Variants in HFM1 observed in about 807,000 individuals in gnomAD.
HFM1 encodes probable ATP-dependent DNA helicase HFM1.
A neutral mutation model predicts 192.1 loss-of-function variants in HFM1; 169 were observed. That is an observed-to-expected ratio of 0.88 (90% confidence interval 0.78 to 1.00). The LOEUF (loss-of-function observed/expected upper bound fraction) is 1.00, where lower values mean the gene tolerates loss of function less well. Among genes scored for constraint, HFM1 ranks in the 50% least tolerant of loss-of-function variants. HFM1 has a pLI of 0.00. For synonymous variants in HFM1, 525 were observed against 537.8 expected (o/e 0.98, Z 0.33); for missense variants, 1,661 against 1,668.0 (o/e 1.00, Z 0.07).
Position 91,341,449 on chromosome 1 carries a change from G to C in HFM1, c.2335+1981C>G, listed in dbSNP as rs1157614570. 2.0e-5 allele frequency among the ~76,000 whole-genome samples: 3 copies of C among 152,096 alleles called. No individual in the cohort carries two copies. The South Asian group carries it at 6.2e-4, about 32-fold the overall frequency. Reference sequence around the variant, plus strand: ...CAGGTAAAACAATGTTCAGAGAAAAGTTTATGGCACTAAATGCTCACATCA... The same window carrying C: ...CAGGTAAAACAATGTTCAGAGAAAACTTTATGGCACTAAATGCTCACATCA... On this transcript the variant is annotated intron_variant, in intron 20 of 38. Transcript: ENST00000370425.
At chr1:91,300,417 C>G (rs1351129252) in intron 30 of HFM1, among the ~76,000 whole-genome samples, 1 of 152,066 alleles carries the variant, frequency 6.6e-6, no homozygotes, top group African/African-American at 2.4e-5. Flanking sequence ...AGAGGGAATC[C>G]TCCCTAACTC....
intron 30 of HFM1, among the ~76,000 whole-genome samples, chr1:91,293,239 G>A (rs1098481): frequency 1 from 151,429 of 151,610 alleles, 75,625 homozygotes; most frequent in Non-Finnish European, 1. Flanking sequence ...TGCACAGCAA[G>A]AAAACTACCA....
At chr1:91,388,095 C>G (rs1662474812) in intron 4 of HFM1, among the ~76,000 whole-genome samples, 1 of 151,982 alleles carries the variant, frequency 6.6e-6, no homozygotes, top group African/African-American at 2.4e-5. Flanking sequence ...CTCTGCACCC[C>G]CTCCCTCATA....
In HFM1 at chr1:91,274,103, T is replaced by C. The variant is rs545785390; in HGVS notation, c.3669-288A>G. ...TGTACTAGTTGTTAAATACATTGAA[T>C]GTCATTCCTGCATATAGAATGCCCT... On this transcript the variant is annotated intron_variant, in intron 33 of 38. Coordinates refer to ENST00000370425, the MANE Select transcript of HFM1 (RefSeq NM_001017975.6). Among the ~76,000 whole-genome samples, 29 of 152,136 alleles carry C rather than the reference T, an allele frequency of 1.9e-4. 1 individual carries two copies. In the South Asian group the frequency reaches 5.6e-3, roughly 29 times the overall value.
chr1:91,378,818 CA>C (rs1216541557), intron 9 of HFM1, among the ~76,000 whole-genome samples: 1 of 151,984 alleles, frequency 6.6e-6, no homozygotes, highest in African/African-American at 2.4e-5. Context: ...AATATGATTA[CA>C]AAGTATCCAC....
chr1:91,339,175 T>TA (rs1486299531), intron 20 of HFM1, among the ~76,000 whole-genome samples: 1 of 151,082 alleles, frequency 6.6e-6, no homozygotes, highest in Non-Finnish European at 1.5e-5. Flanking sequence ...GAAAAACAAT[T>TA]AGTCTGTCTG....
chr1:91,390,660 C>A (rs1662856352), intron 4 of HFM1, among the ~76,000 whole-genome samples: 1 of 152,050 alleles, frequency 6.6e-6, no homozygotes, highest in Non-Finnish European at 1.5e-5. Flanking sequence ...ACTGAATGGG[C>A]AAAAACTGGA....
chr1:91,274,935 G>C, intron 32 of HFM1, 126 bp from the exon 33 acceptor site: 1 of 487,166 alleles, frequency 2.1e-6, no homozygotes, highest in Non-Finnish European at 3.7e-6. Context: ...GAGAAACTCA[G>C]GTTAGTTCTT....
At chr1:91,308,751 G>A (rs1273547057) in intron 30 of HFM1, among the ~76,000 whole-genome samples, 1 of 151,966 alleles carries the variant, frequency 6.6e-6, no homozygotes, top group African/African-American at 2.4e-5. Flanking sequence ...ATCTCTTTGT[G>A]GGCCTCACAA....
intron 35 of HFM1, among the ~76,000 whole-genome samples, chr1:91,267,160 A>C (rs1665846899): frequency 6.6e-6 from 1 of 152,084 alleles, no homozygotes; most frequent in Non-Finnish European, 1.5e-5. Context: ...AAATAGAGTA[A>C]ATTTGCCTTT....
At position 91,364,628 on chromosome 1, in the gene HFM1, A is replaced by ATTT. The variant is rs1407868515; in HGVS notation, c.1685+10729_1685+10730insAAA. ...TATACATATATATATATATATATAT[A>ATTT]TATATTTTTTTTTTTTTTTTGAGAC... On this transcript the variant is annotated intron_variant, in intron 13 of 38. Transcript: ENST00000370425. Among the ~76,000 whole-genome samples, 492 of 59,126 alleles carry ATTT rather than the reference A, an allele frequency of 8.3e-3. 9 individuals are homozygous for ATTT. The highest frequency in any genetic ancestry group is 0.025 in the South Asian group (41 of 1,670). The allele number at this position is 59,126 out of a possible 152,430, so 38.8% of individuals were successfully genotyped here. A position where few individuals can be genotyped will look rare whatever the true frequency, so the allele number is the denominator to read the frequency against.
intron 30 of HFM1, among the ~76,000 whole-genome samples, chr1:91,293,896 G>T (rs1444780884): frequency 2.0e-5 from 3 of 151,250 alleles, no homozygotes; most frequent in Non-Finnish European, 4.4e-5. Flanking sequence ...CATGTCCTTT[G>T]TAGGGACATG....
chr1:91,366,028 A>T (rs1659264583), intron 13 of HFM1, among the ~76,000 whole-genome samples: 1 of 151,976 alleles, frequency 6.6e-6, no homozygotes, highest in Non-Finnish European at 1.5e-5. Context: ...CAAAGACTGA[A>T]GAAAGAAGAG....
At chr1:91,369,517 C>G (rs1659870688) in intron 13 of HFM1, among the ~76,000 whole-genome samples, 1 of 152,154 alleles carries the variant, frequency 6.6e-6, no homozygotes, top group African/African-American at 2.4e-5. Context: ...GAAATGAAGG[C>G]AGAAATAAAG....
chr1:91,285,647 C>A (rs887921685), intron 30 of HFM1, among the ~76,000 whole-genome samples: 3 of 152,124 alleles, frequency 2.0e-5, no homozygotes. Flanking sequence ...TACGGATGTG[C>A]ATAAGTTCCT....
Position 91,262,241 on chromosome 1 carries a change from C to T in HFM1, c.4238G>A (p.Ser1413Asn). ...TAAAGTGTCTTTAAAGAGTTCTTAC[C>T]TGAAATCAACTTCCTTTTTACATTC... is the stretch of plus-strand genomic sequence containing the variant. ...NSECKKEVDFSMYHPDDEADE... is the reference protein window; with the variant it reads ...NSECKKEVDFNMYHPDDEADE... The change falls in exon 38 of 39, where the codon AGT becomes AAT. Residue 1413 changes from serine to asparagine, a missense_variant and splice_region_variant. Transcript: ENST00000370425. The T allele has an allele frequency of 7.6e-7, 1 of 1,317,214 alleles. No individual in the cohort carries two copies. The allele number at this position is 1,317,214 out of a possible 1,614,324, so 81.6% of individuals were successfully genotyped here.
In HFM1 at chr1:91,323,122, C is replaced by A; in HGVS notation, c.2505G>T (p.Leu835Phe). The A allele has an allele frequency of 6.3e-7, 1 of 1,583,754 alleles. No individual in the cohort carries two copies. Among genetic ancestry groups the A allele is most frequent in the South Asian group, 1.1e-5 (1 of 87,156 alleles). ...RINEKKTLNT[L>F]NKDPNRITIR... ...TAGTTATCCGATTTGGATCTTTGTTCAAAGTATTCAGTGTTTTCTTTTCAT... is the reference window on the plus strand; with the variant it reads ...TAGTTATCCGATTTGGATCTTTGTTAAAAGTATTCAGTGTTTTCTTTTCAT... The change falls in exon 22 of 39, where the codon TTG becomes TTT. Residue 835 changes from leucine (L) to phenylalanine (F), a missense_variant. By Grantham distance (22) the Leu-to-Phe change is conservative. Coordinates refer to ENST00000370425, the MANE Select transcript of HFM1 (RefSeq NM_001017975.6).
chr1:91,314,178 T>C (rs1411703654), intron 28 of HFM1, 118 bp from the exon 29 acceptor site: 1 of 570,828 alleles, frequency 1.8e-6, no homozygotes, highest in South Asian at 3.2e-5. Flanking sequence ...AATCAATTAC[T>C]GAAAACTGCT....
chr1:91,376,790 A>G (rs1660959643), intron 11 of HFM1, among the ~76,000 whole-genome samples: 1 of 151,948 alleles, frequency 6.6e-6, no homozygotes, highest in Non-Finnish European at 1.5e-5. Flanking sequence ...TTATTATACT[A>G]TCCAGTGTTA....
Sources: gnomAD v4.1 joint callset for allele counts (sites outside exome capture counted in the v4.1 genomes callset) on GRCh38, gnomAD v4.1.1 for gene constraint, MANE v1.5 for transcripts, NCBI Gene and HGNC (gene_info 2026-07-23, HGNC 2026-07-21) for gene names.